Variants in NBAS observed in about 807,000 individuals in gnomAD.
The protein encoded by NBAS is NAG/BC035112 fusion.
In NBAS, 219 loss-of-function variants were observed where a neutral mutation model predicts 302.5. The ratio of observed to expected loss-of-function variants is 0.72; its 90% CI spans 0.65 to 0.81. The LOEUF (loss-of-function observed/expected upper bound fraction) is 0.81. Among genes scored for constraint, NBAS ranks in the 30% least tolerant of loss-of-function variants. The probability of loss-of-function intolerance (pLI) is 0.00; values close to 1 mark genes in which losing one functional copy is unlikely to be tolerated. For synonymous variants in NBAS, 1,118 were observed against 1,021.6 expected (o/e 1.09, Z -1.80); for missense variants, 2,932 against 2,841.6 (o/e 1.03, Z -0.72).
the NBAS span, among the ~76,000 whole-genome samples, chr2:15,022,173 G>A: frequency 2.6e-5 from 4 of 152,264 alleles, no homozygotes; most frequent in East Asian, 7.7e-4. Context: ...GGGTGAGGCA[G>A]CCCAACGCCC....
chr2:14,899,753 T>C, the NBAS span, among the ~76,000 whole-genome samples: 1 of 151,996 alleles, frequency 6.6e-6, no homozygotes, highest in East Asian at 1.9e-4. Flanking sequence ...TTTTTTTTTT[T>C]TCCCAGCCTC....
intron 23 of NBAS, among the ~76,000 whole-genome samples, chr2:15,421,696 A>G (rs1677221638): frequency 6.6e-6 from 1 of 152,064 alleles, no homozygotes; most frequent in African/African-American, 2.4e-5. Flanking sequence ...AAGTCCTCCA[A>G]AATCAACTTA....
At chr2:15,445,746 A>C (rs1678701827) in intron 21 of NBAS, among the ~76,000 whole-genome samples, 1 of 152,068 alleles carries the variant, frequency 6.6e-6, no homozygotes. Flanking sequence ...TATCCAATAA[A>C]AGTTACCAGG....
chr2:14,816,522 T>A, the NBAS span, among the ~76,000 whole-genome samples: 1 of 152,220 alleles, frequency 6.6e-6, no homozygotes, highest in Non-Finnish European at 1.5e-5. Flanking sequence ...ACTGGTCTCT[T>A]CCTGCTTCAG....
chr2:15,178,234 C>T (rs1273837508), intron 51 of NBAS: 1 of 457,040 alleles, frequency 2.2e-6, no homozygotes, highest in Non-Finnish European at 4.5e-6. Flanking sequence ...TGTAAAATTA[C>T]ATATGTGTGC....
At chr2:15,352,486 G>A (rs1458051996) in intron 34 of NBAS, among the ~76,000 whole-genome samples, 1 of 152,140 alleles carries the variant, frequency 6.6e-6, no homozygotes, top group East Asian at 1.9e-4. Flanking sequence ...AGATACACCT[G>A]GAAGAGGCCC....
intron 44 of NBAS, among the ~76,000 whole-genome samples, chr2:15,254,705 C>A (rs1572534650): frequency 1.3e-5 from 2 of 152,312 alleles, no homozygotes; most frequent in East Asian, 3.9e-4. Flanking sequence ...CTCCACCCTT[C>A]CCCACCAAGT....
chr2:14,875,991 A>C, the NBAS span, among the ~76,000 whole-genome samples: 1 of 152,254 alleles, frequency 6.6e-6, no homozygotes, highest in Non-Finnish European at 1.5e-5. Context: ...TCCAGGATCC[A>C]TCTGGTTTTT....
intron 12 of NBAS, among the ~76,000 whole-genome samples, chr2:15,487,222 T>G (rs1386344038): frequency 6.6e-6 from 1 of 152,206 alleles, no homozygotes; most frequent in Non-Finnish European, 1.5e-5. Flanking sequence ...CGAAAACAGC[T>G]GAATACTTTA....
chr2:14,840,540 C>A, the NBAS span, among the ~76,000 whole-genome samples: 1 of 151,920 alleles, frequency 6.6e-6, no homozygotes, highest in South Asian at 2.1e-4. Flanking sequence ...AGAAAAGAAG[C>A]AAATAACACA....
intron 25 of NBAS, among the ~76,000 whole-genome samples, chr2:15,415,300 GTA>G (rs1438537063): frequency 1.3e-5 from 2 of 152,174 alleles, no homozygotes; most frequent in East Asian, 3.8e-4. Flanking sequence ...AGTCTTCTTG[GTA>G]TTGCCAGCTT....
chr2:14,873,055 C>T, the NBAS span, among the ~76,000 whole-genome samples: 2 of 152,128 alleles, frequency 1.3e-5, no homozygotes, highest in Non-Finnish European at 2.9e-5. Flanking sequence ...GGCAGGTGGC[C>T]GAGGCTAGCT....
chr2:14,813,692 G>A, the NBAS span, among the ~76,000 whole-genome samples: 10 of 152,136 alleles, frequency 6.6e-5, no homozygotes, highest in Non-Finnish European at 1.3e-4. Context: ...GTAAAAGTTT[G>A]GAAAATTTGC....
the NBAS span, among the ~76,000 whole-genome samples, chr2:14,984,964 C>A: frequency 9.0e-4 from 137 of 152,142 alleles, no homozygotes; most frequent in Admixed American, 1.5e-3. Flanking sequence ...AGTCCCTGTG[C>A]AATTAGGAAG....
At chr2:15,298,820 G>A (rs1437109793) in intron 40 of NBAS, among the ~76,000 whole-genome samples, 3 of 152,106 alleles carry the variant, frequency 2.0e-5, no homozygotes, top group Non-Finnish European at 4.4e-5. Context: ...CTCCTATCAA[G>A]CTGGGGATGT....
At chr2:15,253,668 G>C (rs910285824) in intron 44 of NBAS, among the ~76,000 whole-genome samples, 2 of 152,080 alleles carry the variant, frequency 1.3e-5, no homozygotes, top group African/African-American at 4.8e-5. Context: ...ACTCCCCTTT[G>C]ACAACAGCCT....
intron 35 of NBAS, among the ~76,000 whole-genome samples, chr2:15,331,158 T>G (rs962891087): frequency 1.3e-5 from 2 of 152,214 alleles, no homozygotes; most frequent in Non-Finnish European, 2.9e-5. Flanking sequence ...AATAAATTAT[T>G]CATCTGAATA....
chr2:14,914,092 T>C, the NBAS span, among the ~76,000 whole-genome samples: 1 of 152,168 alleles, frequency 6.6e-6, no homozygotes, highest in Non-Finnish European at 1.5e-5. Flanking sequence ...GGAAACCCCT[T>C]ATAAAATGAT....
At chr2:15,270,289 C>T (rs553555796) in intron 44 of NBAS, among the ~76,000 whole-genome samples, 3 of 152,164 alleles carry the variant, frequency 2.0e-5, no homozygotes, top group South Asian at 2.1e-4. Flanking sequence ...CTCAGCCTCC[C>T]GAGTGGCTGG....
Sources: gnomAD v4.1 joint callset for allele counts (sites outside exome capture counted in the v4.1 genomes callset) on GRCh38, gnomAD v4.1.1 for gene constraint, MANE v1.5 for transcripts, NCBI Gene and HGNC (gene_info 2026-07-23, HGNC 2026-07-21) for gene names.